The following ZNF185 variants were observed in gnomAD, a reference collection of about 807,000 sequenced individuals.
The protein encoded by ZNF185 is zinc finger protein 185.
Under a neutral mutation model 58.6 loss-of-function variants are expected in ZNF185, and 56 were observed. The observed-to-expected ratio is 0.95, with a 90% CI of 0.77 to 1.19. The LOEUF (loss-of-function observed/expected upper bound fraction) is 1.19. Among genes scored for constraint, ZNF185 ranks in the 50% most tolerant of loss-of-function variants. The pLI, the probability that ZNF185 is intolerant of heterozygous loss-of-function variation, is 0.00. For missense variants in ZNF185, 627 were observed against 573.5 expected (o/e 1.09, Z -0.95); for synonymous variants, 230 against 215.9 (o/e 1.07, Z -0.57).
At chrX:152,914,382 A>G (rs1342965970), upstream of ZNF185, 2 of 740,762 alleles carry the variant, frequency 2.7e-6, no homozygotes, top group African/African-American at 2.2e-5. Context: ...CAGGACCCAT[A>G]TGGTCACCTG....
intron 14 of ZNF185, among the ~76,000 whole-genome samples, chrX:152,937,811 C>G (rs1556883574): frequency 8.9e-6 from 1 of 112,308 alleles, no homozygotes; most frequent in African/African-American, 3.2e-5. Flanking sequence ...GAACCCAAAA[C>G]CAGGAGACTT....
At chrX:152,932,361 G>A (rs1416091918) in intron 13 of ZNF185, among the ~76,000 whole-genome samples, 3 of 112,477 alleles carry the variant, frequency 2.7e-5, no homozygotes, top group African/African-American at 6.5e-5. Flanking sequence ...GTCCCCAGTC[G>A]CTGCACAGCC....
chrX:152,932,740 G>T, intron 13 of ZNF185, 133 bp from the exon 15 acceptor site: 1 of 475,426 alleles, frequency 2.1e-6, no homozygotes, highest in Non-Finnish European at 3.6e-6. Flanking sequence ...GCTTGGCTCA[G>T]CTCTGGTCAG....
chrX:152,966,032 G>A (rs146786034), intron 19 of ZNF185, among the ~76,000 whole-genome samples: 8,304 of 108,507 alleles, frequency 0.077, 316 homozygotes, highest in Non-Finnish European at 0.11. Flanking sequence ...TTTTGAGATG[G>A]AGTCTTGCTC....
chrX:152,963,371 T>C (rs898439745), intron 17 of ZNF185, among the ~76,000 whole-genome samples: 1 of 112,852 alleles, frequency 8.9e-6, no homozygotes, highest in South Asian at 3.6e-4. Flanking sequence ...TCCTCAATGA[T>C]GCCTAATTTC....
At chrX:152,908,673 A>C in the ZNF185 span, among the ~76,000 whole-genome samples, 6 of 112,805 alleles carry the variant, frequency 5.3e-5, no homozygotes, top group African/African-American at 1.9e-4. Flanking sequence ...GGTTTGGAGG[A>C]AGCCATAGAG....
At chrX:152,922,072 G>A in intron 9 of ZNF185, 101 bp from the exon 11 acceptor site, 1 of 874,493 alleles carries the variant, frequency 1.1e-6, no homozygotes, top group South Asian at 2.3e-5. Context: ...GATCCTGAAG[G>A]GTTGGGTCAG....
chrX:152,903,225 T>C, the ZNF185 span, among the ~76,000 whole-genome samples: 2 of 106,926 alleles, frequency 1.9e-5, no homozygotes, highest in East Asian at 5.9e-4. Context: ...CCCGTCTCTA[T>C]CAAAAATACA....
At chrX:152,902,599 T>C in the ZNF185 span, among the ~76,000 whole-genome samples, 1 of 113,114 alleles carries the variant, frequency 8.8e-6, no homozygotes, top group African/African-American at 3.2e-5. Flanking sequence ...GGCCTGAGCC[T>C]GGGCACCTCC....
chrX:152,929,250 G>GGGAGCACGAGGGGCTCAGCCTCTGCCCT (rs201119242), intron 12 of ZNF185, among the ~76,000 whole-genome samples: 166 of 106,051 alleles, frequency 1.6e-3, no homozygotes, highest in Middle Eastern at 0.015. Flanking sequence ...ACAACCAGCA[G>GGGAGCACGAGGGGCTCAGCCTCTGCCCT]GGAGCACGAG....
chrX:152,971,236 G>T (rs1212517412), intron 22 of ZNF185, 38 bp from the exon 25 acceptor site: 2 of 111,435 alleles, frequency 1.8e-5, no homozygotes, highest in African/African-American at 3.3e-5. Flanking sequence ...TCTAGCTGAT[G>T]TGTTTCCAGT....
chrX:152,922,620 A>C, intron 10 of ZNF185, 100 bp from the exon 12 acceptor site: 1 of 791,514 alleles, frequency 1.3e-6, no homozygotes, highest in Non-Finnish European at 1.8e-6. Context: ...TGCCATTGTC[A>C]GACTTGCTCC....
intron 17 of ZNF185, among the ~76,000 whole-genome samples, chrX:152,962,955 C>G (rs2125936472): frequency 8.8e-6 from 1 of 113,187 alleles, no homozygotes; most frequent in East Asian, 2.8e-4. Context: ...TAGCCTGGGC[C>G]AGATGGAGGC....
chrX:152,946,816 G>A (rs1387294983), intron 16 of ZNF185, among the ~76,000 whole-genome samples: 2 of 111,883 alleles, frequency 1.8e-5, no homozygotes, highest in Non-Finnish European at 3.8e-5. Context: ...ATCCAGCCTG[G>A]CTTGGCAGGA....
chrX:152,953,765 CAG>C (rs782320240), intron 16 of ZNF185, among the ~76,000 whole-genome samples: 29 of 111,993 alleles, frequency 2.6e-4, no homozygotes, highest in Admixed American at 1.2e-3. Context: ...ATTTTTGAGA[CAG>C]AGCCTTTCTC....
intron 21 of ZNF185, among the ~76,000 whole-genome samples, 185 bp from the exon 24 acceptor site, chrX:152,970,257 CT>C (rs1311269175): frequency 6.3e-5 from 7 of 110,257 alleles, no homozygotes; most frequent in East Asian, 2.9e-4. Context: ...AAAAAAAAGG[CT>C]TTTTTTTGTA....
At chrX:152,952,633 G>A (rs1556900964) in intron 16 of ZNF185, among the ~76,000 whole-genome samples, 1 of 110,669 alleles carries the variant, frequency 9.0e-6, no homozygotes, top group African/African-American at 3.3e-5. Context: ...GAGTAGATAG[G>A]GGTATGTAGG....
At position 152,969,562 on chromosome X, in the gene ZNF185, C is replaced by T. The variant is rs1265567486; in HGVS notation, c.1974+78C>T. 7 of 782,989 alleles carry T rather than the reference C, an allele frequency of 8.9e-6. No homozygotes were observed. The African/African-American group carries it at 1.0e-4, about 12-fold the overall frequency. The allele number at this position is 782,989 out of a possible 1,213,427, so 64.5% of individuals were successfully genotyped here. A position where few individuals can be genotyped will look rare whatever the true frequency, so the allele number is the denominator to read the frequency against. On this transcript the variant is annotated intron_variant, in intron 21 of 22. Transcript: ENST00000449285. ...GCTGCTAAGAACGTTTTGTAGAGTG[C>T]GGGAGTCTTACGGGTTCAGAGACTG...
chrX:152,940,305 G>C (rs1393815094), intron 15 of ZNF185, among the ~76,000 whole-genome samples: 1 of 109,190 alleles, frequency 9.2e-6, no homozygotes, highest in Non-Finnish European at 1.9e-5. Context: ...TTATGTTCTA[G>C]GGAGACATAA....
Sources: gnomAD v4.1 joint callset for allele counts (sites outside exome capture counted in the v4.1 genomes callset) on GRCh38, gnomAD v4.1.1 for gene constraint, MANE v1.5 for transcripts, NCBI Gene and HGNC (gene_info 2026-07-23, HGNC 2026-07-21) for gene names.